The following EPHA3 variants were observed in gnomAD, a reference collection of about 807,000 sequenced individuals.
The protein encoded by EPHA3 is ephrin type-A receptor 3.
EPHA3 carries 42 observed loss-of-function variants against 107.1 expected under a neutral mutation model. The ratio of observed to expected loss-of-function variants is 0.39; its 90% CI spans 0.31 to 0.51. EPHA3 has a LOEUF of 0.51. Among genes scored for constraint, EPHA3 ranks in the 20% least tolerant of loss-of-function variants. The pLI, the probability that EPHA3 is intolerant of heterozygous loss-of-function variation, is 0.78. For synonymous variants in EPHA3, 461 were observed against 424.8 expected (o/e 1.09, Z -1.05); for missense variants, 1,183 against 1,211.2 (o/e 0.98, Z 0.35).
intron 2 of EPHA3, among the ~76,000 whole-genome samples, chr3:89,187,343 TA>T (rs1380166577): frequency 6.7e-6 from 1 of 148,512 alleles, no homozygotes; most frequent in Non-Finnish European, 1.5e-5. Context: ...TAAATATTAA[TA>T]AATAATATAC....
chr3:89,166,050 G>A (rs1273269103), intron 2 of EPHA3, among the ~76,000 whole-genome samples: 1 of 152,144 alleles, frequency 6.6e-6, no homozygotes, highest in South Asian at 2.1e-4. Flanking sequence ...ATGAGTGGCA[G>A]GATTAAAACC....
intron 2 of EPHA3, among the ~76,000 whole-genome samples, chr3:89,202,515 C>CA (rs375753577): frequency 0.02 from 2,333 of 116,814 alleles, 79 homozygotes; most frequent in African/African-American, 0.064. Flanking sequence ...GACTCTGTCT[C>CA]AAAAAAAAAA....
At chr3:89,336,325 C>T (rs1707392261) in intron 3 of EPHA3, among the ~76,000 whole-genome samples, 1 of 151,920 alleles carries the variant, frequency 6.6e-6, no homozygotes, top group Non-Finnish European at 1.5e-5. Flanking sequence ...GCAAAGATAA[C>T]ACACACACAC....
intron 11 of EPHA3, among the ~76,000 whole-genome samples, chr3:89,420,018 A>G (rs1017403363): frequency 5.3e-5 from 8 of 151,350 alleles, no homozygotes; most frequent in African/African-American, 1.9e-4. Flanking sequence ...TATTTCCATG[A>G]TGGTTTCTCC....
chr3:89,356,217 T>G, intron 5 of EPHA3, among the ~76,000 whole-genome samples: 1 of 151,018 alleles, frequency 6.6e-6, no homozygotes, highest in East Asian at 1.9e-4. Flanking sequence ...CCACATTTTC[T>G]TAATCTAGTC....
intron 2 of EPHA3, among the ~76,000 whole-genome samples, chr3:89,133,771 A>T (rs1704254215): frequency 1.3e-5 from 2 of 152,100 alleles, no homozygotes; most frequent in South Asian, 4.1e-4. Context: ...TGCTGAGCAT[A>T]ATCTTTGAAG....
intron 2 of EPHA3, among the ~76,000 whole-genome samples, chr3:89,177,761 A>C (rs2107112144): frequency 6.6e-6 from 1 of 152,236 alleles, no homozygotes; most frequent in Non-Finnish European, 1.5e-5. Context: ...TTTCAACTGT[A>C]GTCCTGACAA....
chr3:89,276,031 C>CG (rs1359630642), intron 3 of EPHA3, among the ~76,000 whole-genome samples: 1 of 151,830 alleles, frequency 6.6e-6, no homozygotes, highest in Non-Finnish European at 1.5e-5. Context: ...AGGCATAGTA[C>CG]GGGGGAGAAA....
intron 2 of EPHA3, among the ~76,000 whole-genome samples, chr3:89,135,651 T>A (rs1704294737): frequency 1.3e-5 from 2 of 151,598 alleles, no homozygotes; most frequent in South Asian, 4.1e-4. Flanking sequence ...ATATCTTGAA[T>A]AATCTATAAT....
At chr3:89,449,888 A>T (rs1321382012) in intron 14 of EPHA3, among the ~76,000 whole-genome samples, 1 of 152,152 alleles carries the variant, frequency 6.6e-6, no homozygotes, top group Non-Finnish European at 1.5e-5. Context: ...TCTTTATAAC[A>T]CCAAATTTGC....
chr3:89,203,350 C>A (rs1181709839), intron 2 of EPHA3, among the ~76,000 whole-genome samples: 25 of 145,752 alleles, frequency 1.7e-4, no homozygotes, highest in African/African-American at 4.6e-4. Context: ...CAAAACAAAA[C>A]AAAAAAAAAA....
At chr3:89,388,379 G>C (rs954156697) in intron 5 of EPHA3, among the ~76,000 whole-genome samples, 7 of 152,280 alleles carry the variant, frequency 4.6e-5, no homozygotes, top group African/African-American at 1.4e-4. Flanking sequence ...AATGCAGTCA[G>C]ATAAATAATG....
At chr3:89,115,853 C>T (rs1707242451) in intron 1 of EPHA3, among the ~76,000 whole-genome samples, 1 of 152,176 alleles carries the variant, frequency 6.6e-6, no homozygotes, top group Non-Finnish European at 1.5e-5. Context: ...CTCCTAGACA[C>T]AAATGACTAT....
chr3:89,177,103 T>C (rs7610407), intron 2 of EPHA3, among the ~76,000 whole-genome samples: 8 of 151,990 alleles, frequency 5.3e-5, no homozygotes, highest in Non-Finnish European at 8.8e-5. Context: ...CACGTGTGTA[T>C]GTGTGTGTGA....
At chr3:89,429,034 C>A in intron 11 of EPHA3, 72 bp from the exon 12 acceptor site, 1 of 1,013,544 alleles carries the variant, frequency 9.9e-7, no homozygotes, top group Non-Finnish European at 1.4e-6. Flanking sequence ...GTAAATCCAA[C>A]TATATTATAT....
At chr3:89,370,855 G>A (rs546527037) in intron 5 of EPHA3, among the ~76,000 whole-genome samples, 2 of 151,650 alleles carry the variant, frequency 1.3e-5, no homozygotes, top group African/African-American at 2.4e-5. Context: ...AGTGAATTGG[G>A]CAAAGTGTTA....
intron 2 of EPHA3, among the ~76,000 whole-genome samples, chr3:89,134,180 T>C (rs568851345): frequency 1.3e-5 from 2 of 151,898 alleles, no homozygotes; most frequent in Admixed American, 1.3e-4. Context: ...TCAGCTTCTA[T>C]GATCACTCTC....
At chr3:89,296,095 T>C (rs1438207053) in intron 3 of EPHA3, among the ~76,000 whole-genome samples, 1 of 152,206 alleles carries the variant, frequency 6.6e-6, no homozygotes, top group East Asian at 1.9e-4. Flanking sequence ...CAGTTAGTTC[T>C]TCCTCTGAAG....
intron 5 of EPHA3, among the ~76,000 whole-genome samples, chr3:89,347,856 G>T (rs1285992381): frequency 1.6e-4 from 24 of 151,106 alleles, no homozygotes; most frequent in Non-Finnish European, 3.3e-4. Context: ...GGCTTTTTCT[G>T]CATCTATTGA....
Sources: gnomAD v4.1 joint callset for allele counts (sites outside exome capture counted in the v4.1 genomes callset) on GRCh38, gnomAD v4.1.1 for gene constraint, MANE v1.5 for transcripts, NCBI Gene and HGNC (gene_info 2026-07-23, HGNC 2026-07-21) for gene names.